Variants in KLF12 observed in about 807,000 individuals in gnomAD.
The protein encoded by KLF12 is Krueppel-like factor 12.
A neutral mutation model predicts 37.8 loss-of-function variants in KLF12; 9 were observed. The observed-to-expected ratio is 0.24, with a 90% CI of 0.14 to 0.42. KLF12 has a LOEUF of 0.42. KLF12 is among the 10% of genes least tolerant of loss of function. The probability of loss-of-function intolerance (pLI) is 1.00; values close to 1 mark genes in which losing one functional copy is unlikely to be tolerated. For missense variants in KLF12, 411 were observed against 516.0 expected (o/e 0.80, Z 1.97); for synonymous variants, 208 against 202.1 (o/e 1.03, Z -0.25).
At chr13:74,211,553 T>G in the KLF12 span, among the ~76,000 whole-genome samples, 1 of 152,176 alleles carries the variant, frequency 6.6e-6, no homozygotes, top group African/African-American at 2.4e-5. Flanking sequence ...AATTTGGATT[T>G]ATGAAGTTTA....
rs531856692 is a variant in KLF12, at chr13:73,704,773, G to A, written c.1028-9102C>T. Among the ~76,000 whole-genome samples, 364 of 152,278 alleles carry A rather than the reference G, an allele frequency of 2.4e-3. 1 individual carries two copies. Among genetic ancestry groups the A allele is most frequent in the African/African-American group, 8.0e-3 (332 of 41,554 alleles). On this transcript the variant is annotated intron_variant, in intron 7 of 7. Coordinates refer to ENST00000377669, the MANE Select transcript of KLF12 (RefSeq NM_007249.5). Reference sequence around the variant, plus strand: ...CCTCTCTGTCCGACTCAGCAGTGCCGACTCAGCAGTGCCGTACTGTGGATG... The same window carrying A: ...CCTCTCTGTCCGACTCAGCAGTGCCAACTCAGCAGTGCCGTACTGTGGATG...
intron 3 of KLF12, among the ~76,000 whole-genome samples, chr13:73,918,133 A>C (rs1389439174): frequency 6.6e-6 from 1 of 152,112 alleles, no homozygotes; most frequent in African/African-American, 2.4e-5. Context: ...AGAGAGAGAG[A>C]GAGAGATGTA....
chr13:74,078,060 TGAA>T (rs1874665948), intron 1 of KLF12, among the ~76,000 whole-genome samples: 1 of 152,150 alleles, frequency 6.6e-6, no homozygotes, highest in Admixed American at 6.6e-5. Flanking sequence ...CGACTCCATG[TGAA>T]GTTTGTTTGT....
the KLF12 span, among the ~76,000 whole-genome samples, chr13:74,199,293 G>T: frequency 6.6e-6 from 1 of 152,188 alleles, no homozygotes; most frequent in Non-Finnish European, 1.5e-5. Context: ...TTACTTCAAA[G>T]TGACTGCCCC....
At chr13:74,117,703 T>G (rs1156691707) in intron 1 of KLF12, among the ~76,000 whole-genome samples, 3 of 152,172 alleles carry the variant, frequency 2.0e-5, no homozygotes. Flanking sequence ...GATACCCCGA[T>G]GTGATACACT....
intron 1 of KLF12, among the ~76,000 whole-genome samples, chr13:74,077,288 G>A (rs1482566985): frequency 6.6e-6 from 1 of 152,048 alleles, no homozygotes; most frequent in Non-Finnish European, 1.5e-5. Flanking sequence ...TCAAACTACA[G>A]CACTGTATTT....
chr13:73,720,974 G>A (rs762268511), intron 6 of KLF12, among the ~76,000 whole-genome samples: 11 of 152,264 alleles, frequency 7.2e-5, no homozygotes, highest in Non-Finnish European at 1.0e-4. Context: ...AGAAAACACT[G>A]GAATTGAAGG....
intron 2 of KLF12, among the ~76,000 whole-genome samples, chr13:73,991,759 T>G (rs1891977022): frequency 1.3e-5 from 2 of 152,350 alleles, no homozygotes; most frequent in East Asian, 1.9e-4. Flanking sequence ...CCATTTCATT[T>G]ACATTAATTG....
At chr13:73,897,324 G>T in intron 3 of KLF12, among the ~76,000 whole-genome samples, 1 of 152,100 alleles carries the variant, frequency 6.6e-6, no homozygotes. Flanking sequence ...AATAAATTCA[G>T]CTTCCCAAGC....
rs369198373 is a variant in KLF12 at position 73,926,655 on chromosome 13, A to T, written c.123+17326T>A. Among the ~76,000 whole-genome samples the T allele has an allele frequency of 5.9e-5, 9 of 151,948 alleles. No homozygotes were observed. In the East Asian group the frequency reaches 1.5e-3, roughly 26 times the overall value. ...CTTTTTTTTTTTTTTAACATAAATA[A>T]AGGAGAACCAAAGGTAGAACTTACT... On this transcript the variant is annotated intron_variant, in intron 3 of 7. Coordinates refer to ENST00000377669, the MANE Select transcript of KLF12 (RefSeq NM_007249.5).
the KLF12 span, among the ~76,000 whole-genome samples, chr13:74,162,996 G>T: frequency 6.6e-6 from 1 of 152,150 alleles, no homozygotes; most frequent in African/African-American, 2.4e-5. Flanking sequence ...TTTGGTAGAA[G>T]AATGGAGATA....
intron 3 of KLF12, among the ~76,000 whole-genome samples, chr13:73,900,068 T>C (rs1052381234): frequency 3.9e-5 from 6 of 152,232 alleles, no homozygotes; most frequent in Admixed American, 3.9e-4. Flanking sequence ...TAGGAAATAC[T>C]TGAGATGTCA....
intron 3 of KLF12, among the ~76,000 whole-genome samples, chr13:73,862,250 G>C (rs1885967657): frequency 6.6e-6 from 1 of 152,038 alleles, no homozygotes; most frequent in African/African-American, 2.4e-5. Context: ...ATGTAAAGGG[G>C]AAAAGACATG....
intron 2 of KLF12, among the ~76,000 whole-genome samples, chr13:73,975,192 A>G (rs1425194139): frequency 6.6e-6 from 1 of 152,194 alleles, no homozygotes; most frequent in Non-Finnish European, 1.5e-5. Context: ...TCTGCCTATA[A>G]GGCCAATCTC....
chr13:73,939,926 T>A (rs1890115113), intron 3 of KLF12, among the ~76,000 whole-genome samples: 1 of 152,132 alleles, frequency 6.6e-6, no homozygotes, highest in African/African-American at 2.4e-5. Flanking sequence ...CTCACCAGGA[T>A]CATAGAATGG....
chr13:73,968,376 G>C (rs563163955), intron 2 of KLF12, among the ~76,000 whole-genome samples: 135 of 152,196 alleles, frequency 8.9e-4, no homozygotes, highest in African/African-American at 3.2e-3. Context: ...GTAGTCACTG[G>C]TGGGGTCTCA....
chr13:74,191,488 T>C, the KLF12 span, among the ~76,000 whole-genome samples: 2 of 152,218 alleles, frequency 1.3e-5, no homozygotes, highest in Non-Finnish European at 2.9e-5. Context: ...AAGGAGCTCA[T>C]TTTCCCTCTT....
At chr13:73,756,994 A>G (rs78594190) in intron 6 of KLF12, among the ~76,000 whole-genome samples, 2,832 of 152,260 alleles carry the variant, frequency 0.019, 104 homozygotes, top group African/African-American at 0.065. Context: ...TAAGGCAGCC[A>G]TATTCAGTTA....
the KLF12 span, among the ~76,000 whole-genome samples, chr13:74,209,239 T>G: frequency 1.3e-5 from 2 of 152,076 alleles, no homozygotes; most frequent in South Asian, 4.2e-4. Flanking sequence ...TGAAGTGCAG[T>G]GAGAGCCACT....
Sources: gnomAD v4.1 joint callset for allele counts (sites outside exome capture counted in the v4.1 genomes callset) on GRCh38, gnomAD v4.1.1 for gene constraint, MANE v1.5 for transcripts, NCBI Gene and HGNC (gene_info 2026-07-23, HGNC 2026-07-21) for gene names.